POLA1: variants seen among roughly 807,000 people sequenced by gnomAD.
POLA1 encodes the protein DNA polymerase alpha catalytic subunit.
POLA1 carries 15 observed loss-of-function variants against 124.0 expected under a neutral mutation model. That is an observed-to-expected ratio of 0.12 (90% CI 0.08 to 0.19). The LOEUF is 0.19. Among genes scored for constraint, POLA1 ranks in the 10% least tolerant of loss-of-function variants. The pLI is 1.00. For missense variants in POLA1, 886 were observed against 1,103.4 expected, an observed-to-expected ratio of 0.80 and a Z score of 2.79; for synonymous variants, 408 against 389.4, an observed-to-expected ratio of 1.05 and a Z score of -0.56.
chrX:24,741,149 G>GCA (rs1931628660), intron 20 of POLA1, among the ~76,000 whole-genome samples: 1 of 43,111 alleles, frequency 2.3e-5, no homozygotes, highest in Non-Finnish European at 7.3e-5. Flanking sequence ...GTGTGTGTGC[G>GCA]CGCGTGTGTG....
chrX:24,902,155 A>G (rs2047289617), intron 35 of POLA1, among the ~76,000 whole-genome samples: 1 of 112,069 alleles, frequency 8.9e-6, no homozygotes, highest in Non-Finnish European at 1.9e-5. Flanking sequence ...GTAATTAACA[A>G]CTGCTGTACT....
At chrX:24,928,268 G>A (rs757479819) in intron 35 of POLA1, among the ~76,000 whole-genome samples, 36 of 111,529 alleles carry the variant, frequency 3.2e-4, no homozygotes, top group African/African-American at 1.0e-3. Flanking sequence ...CGTGGCTGAC[G>A]CTTTATTCCT....
chrX:24,805,876 C>A (rs773286647), intron 26 of POLA1, among the ~76,000 whole-genome samples: 2 of 109,874 alleles, frequency 1.8e-5, no homozygotes, highest in South Asian at 7.8e-4. Flanking sequence ...TTTAATATTA[C>A]ACTTGTCACT....
At chrX:24,824,454 G>A (rs2046140359) in intron 31 of POLA1, among the ~76,000 whole-genome samples, 1 of 100,899 alleles carries the variant, frequency 9.9e-6, no homozygotes, top group Non-Finnish European at 2.0e-5. Context: ...CTCCATGCCT[G>A]GCTAACTTTT....
intron 36 of POLA1, among the ~76,000 whole-genome samples, chrX:24,965,385 A>G (rs1321899936): frequency 8.9e-6 from 1 of 112,369 alleles, no homozygotes; most frequent in Admixed American, 9.4e-5. Flanking sequence ...GTCTCCAGAT[A>G]GAGTTAAACA....
At chrX:24,940,177 G>T (rs752335346) in intron 36 of POLA1, among the ~76,000 whole-genome samples, 90 of 111,402 alleles carry the variant, frequency 8.1e-4, no homozygotes, top group Middle Eastern at 4.7e-3. Context: ...AAAGACAAAA[G>T]GTTTAATTCA....
At chrX:24,887,791 TTC>T (rs2047083489) in intron 34 of POLA1, among the ~76,000 whole-genome samples, 1 of 109,551 alleles carries the variant, frequency 9.1e-6, no homozygotes, top group Admixed American at 9.7e-5. Flanking sequence ...TCATGTGATT[TTC>T]TTTTTTTTTT....
At chrX:24,741,199 A>T (rs1293843513) in intron 20 of POLA1, among the ~76,000 whole-genome samples, 176 bp from the exon 21 acceptor site, 33 of 108,269 alleles carry the variant, frequency 3.0e-4, no homozygotes, top group Non-Finnish European at 3.8e-5. Flanking sequence ...GATCAGTGGT[A>T]TGAATGAATT....
intron 26 of POLA1, among the ~76,000 whole-genome samples, chrX:24,800,265 A>G (rs1451759294): frequency 8.9e-6 from 1 of 112,197 alleles, no homozygotes; most frequent in African/African-American, 3.2e-5. Flanking sequence ...TGGTACTTAT[A>G]TTTAAACAAA....
intron 35 of POLA1, among the ~76,000 whole-genome samples, chrX:24,919,400 A>G (rs772719304): frequency 9.0e-6 from 1 of 111,144 alleles, no homozygotes; most frequent in South Asian, 3.8e-4. Flanking sequence ...CCTATACATT[A>G]TCTCATTCAG....
At chrX:24,801,924 G>GGT (rs35938897) in intron 26 of POLA1, among the ~76,000 whole-genome samples, 13,278 of 74,228 alleles carry the variant, frequency 0.18, 1,250 homozygotes, top group Non-Finnish European at 0.23. Context: ...GAGGTGGGTG[G>GGT]GTGTGTGTGT....
chrX:24,912,782 A>G (rs1224768801), intron 35 of POLA1, among the ~76,000 whole-genome samples: 2 of 111,757 alleles, frequency 1.8e-5, no homozygotes, highest in East Asian at 5.6e-4. Context: ...AAATTAAAAA[A>G]TAAATAAAAA....
chrX:24,881,197 C>G (rs1428070794), intron 34 of POLA1, among the ~76,000 whole-genome samples: 1 of 111,997 alleles, frequency 8.9e-6, no homozygotes, highest in East Asian at 2.8e-4. Context: ...ACCACCTAAT[C>G]TTACTGTTTA....
intron 34 of POLA1, among the ~76,000 whole-genome samples, chrX:24,869,098 T>G (rs975126513): frequency 8.9e-6 from 1 of 111,770 alleles, no homozygotes; most frequent in African/African-American, 3.3e-5. Flanking sequence ...CATGCCCAGC[T>G]AATTTTTAAA....
intron 36 of POLA1, among the ~76,000 whole-genome samples, chrX:24,968,699 T>C (rs1432680400): frequency 1.2e-5 from 1 of 80,978 alleles, no homozygotes; most frequent in Non-Finnish European, 2.3e-5. Flanking sequence ...CGAGACTCCA[T>C]CTCAAAAAAA....
chrX:24,957,468 G>A (rs929099192), intron 36 of POLA1, among the ~76,000 whole-genome samples: 1 of 111,029 alleles, frequency 9.0e-6, no homozygotes, highest in Non-Finnish European at 1.9e-5. Flanking sequence ...ATTTCTAGGT[G>A]TATGCCCTAG....
At chrX:24,994,764 G>A (rs2048581735) in intron 36 of POLA1, among the ~76,000 whole-genome samples, 1 of 109,072 alleles carries the variant, frequency 9.2e-6, no homozygotes, top group South Asian at 4.0e-4. Flanking sequence ...ATTGGGGGTG[G>A]GGGGGGCGCG....
intron 35 of POLA1, among the ~76,000 whole-genome samples, chrX:24,910,385 G>A (rs1376942881): frequency 9.1e-6 from 1 of 110,072 alleles, no homozygotes; most frequent in Non-Finnish European, 1.9e-5. Context: ...GTTTGTCATA[G>A]ATAGCTCTTA....
intron 34 of POLA1, among the ~76,000 whole-genome samples, chrX:24,860,028 G>A (rs913902416): frequency 3.6e-5 from 4 of 112,338 alleles, no homozygotes; most frequent in African/African-American, 1.3e-4. Flanking sequence ...TGAACCACAG[G>A]TGTGGTATTG....
Sources: gnomAD v4.1 joint callset for allele counts (sites outside exome capture counted in the v4.1 genomes callset) on GRCh38, gnomAD v4.1.1 for gene constraint, MANE v1.5 for transcripts, NCBI Gene and HGNC (gene_info 2026-07-23, HGNC 2026-07-21) for gene names.